SHISA9: variants seen among roughly 807,000 people sequenced by gnomAD.
SHISA9 encodes the protein protein shisa-9.
Under a neutral mutation model 38.0 loss-of-function variants are expected in SHISA9, and 13 were observed. The observed-to-expected ratio is 0.34, with a 90% CI of 0.22 to 0.54. The LOEUF (loss-of-function observed/expected upper bound fraction) is 0.54. Ranked by LOEUF, SHISA9 falls within the 20% of genes least tolerant of loss-of-function variation. The probability of loss-of-function intolerance (pLI) is 0.91; values close to 1 mark genes in which losing one functional copy is unlikely to be tolerated. For missense variants in SHISA9, 538 were observed against 575.8 expected (o/e 0.93, Z 0.67); for synonymous variants, 275 against 242.0 (o/e 1.14, Z -1.27).
intron 2 of SHISA9, among the ~76,000 whole-genome samples, chr16:12,948,896 A>C (rs1378586038): frequency 6.6e-6 from 1 of 152,240 alleles, no homozygotes. Flanking sequence ...CCAATAAACC[A>C]ACATTATGCC....
At chr16:13,036,184 A>G (rs1430751009) in intron 2 of SHISA9, among the ~76,000 whole-genome samples, 6 of 152,242 alleles carry the variant, frequency 3.9e-5, no homozygotes, top group Non-Finnish European at 2.9e-5. Flanking sequence ...AAAGTCTTGT[A>G]TACTAATGTT....
the SHISA9 span, among the ~76,000 whole-genome samples, chr16:13,322,371 TTTCTCATCCTTTCCTCTC>T: frequency 6.6e-5 from 10 of 152,328 alleles, no homozygotes; most frequent in African/African-American, 2.2e-4. Context: ...TGCATAATGG[TTTCTCATCCTTTCCTCTC>T]TTCTCATCCT....
chr16:13,411,154 A>G, the SHISA9 span, among the ~76,000 whole-genome samples: 1 of 152,224 alleles, frequency 6.6e-6, no homozygotes, highest in African/African-American at 2.4e-5. Flanking sequence ...TCCTAACTTG[A>G]TGTGGCTGGT....
chr16:12,993,802 G>C (rs1567175482), intron 2 of SHISA9, among the ~76,000 whole-genome samples: 2 of 152,196 alleles, frequency 1.3e-5, no homozygotes, highest in Non-Finnish European at 2.9e-5. Flanking sequence ...AGAATGTTAA[G>C]TTGAGATCTG....
At chr16:13,406,794 T>C in the SHISA9 span, among the ~76,000 whole-genome samples, 1 of 152,014 alleles carries the variant, frequency 6.6e-6, no homozygotes, top group East Asian at 1.9e-4. Flanking sequence ...ACAGGTCGGG[T>C]GCGGTGGCTC....
At chr16:13,519,864 A>G in the SHISA9 span, among the ~76,000 whole-genome samples, 1 of 152,136 alleles carries the variant, frequency 6.6e-6, no homozygotes, top group Non-Finnish European at 1.5e-5. Flanking sequence ...ATTACCTCCT[A>G]CCGGGTCCCC....
chr16:13,403,788 A>C, the SHISA9 span, among the ~76,000 whole-genome samples: 1 of 152,220 alleles, frequency 6.6e-6, no homozygotes, highest in East Asian at 1.9e-4. Context: ...TGGAGAAATG[A>C]CAAATGCAAT....
Position 13,225,377 on chromosome 16 carries a change from A to T in SHISA9, c.896-9653A>T, listed in dbSNP as rs538238827. Among the ~76,000 whole-genome samples the T allele has an allele frequency of 5.9e-5, 9 of 152,324 alleles. No homozygotes were observed. The South Asian group carries it at 1.9e-3, about 32-fold the overall frequency. Reference sequence around the variant, plus strand: ...CTTTAACAAACGAACACACACTGTGATGTGTTCACAATAGGTATGGAGCAG... The same window carrying T: ...CTTTAACAAACGAACACACACTGTGTTGTGTTCACAATAGGTATGGAGCAG... On this transcript the variant is annotated intron_variant, in intron 4 of 4. Transcript: ENST00000558583.
the SHISA9 span, among the ~76,000 whole-genome samples, chr16:13,287,743 A>C: frequency 1.3e-5 from 2 of 152,204 alleles, no homozygotes; most frequent in African/African-American, 4.8e-5. Flanking sequence ...CTGGAATTGC[A>C]GGGACCACCT....
chr16:13,105,748 C>T (rs2073920060), intron 2 of SHISA9, among the ~76,000 whole-genome samples: 2 of 152,170 alleles, frequency 1.3e-5, no homozygotes, highest in Non-Finnish European at 1.5e-5. Flanking sequence ...CTGCCAGGGG[C>T]TGACAGACTC....
the SHISA9 span, among the ~76,000 whole-genome samples, chr16:13,406,936 C>T: frequency 2.6e-4 from 40 of 151,840 alleles, no homozygotes; most frequent in East Asian, 2.3e-3. Flanking sequence ...GGTGTGGTGG[C>T]GCGTGTCTGT....
the SHISA9 span, among the ~76,000 whole-genome samples, chr16:13,341,414 C>T: frequency 6.6e-6 from 1 of 152,076 alleles, no homozygotes; most frequent in African/African-American, 2.4e-5. Flanking sequence ...CCCAATAAAA[C>T]CTTTCATGCT....
chr16:13,135,159 G>A (rs1456274205), intron 2 of SHISA9, among the ~76,000 whole-genome samples: 1 of 152,154 alleles, frequency 6.6e-6, no homozygotes, highest in Non-Finnish European at 1.5e-5. Flanking sequence ...AACAGCAAAT[G>A]TTTTGAACAA....
At chr16:13,375,759 C>T in the SHISA9 span, among the ~76,000 whole-genome samples, 1 of 152,142 alleles carries the variant, frequency 6.6e-6, no homozygotes, top group Non-Finnish European at 1.5e-5. Flanking sequence ...TCACTGAAAG[C>T]AACTAAAGAA....
chr16:13,416,995 A>G, the SHISA9 span, among the ~76,000 whole-genome samples: 1 of 152,232 alleles, frequency 6.6e-6, no homozygotes, highest in Non-Finnish European at 1.5e-5. Flanking sequence ...AAAATGTTTA[A>G]ATAAAAACTC....
At chr16:13,406,982 C>T in the SHISA9 span, among the ~76,000 whole-genome samples, 7 of 143,952 alleles carry the variant, frequency 4.9e-5, no homozygotes, top group Non-Finnish European at 1.0e-4. Context: ...GCAGAAGAAT[C>T]GCTTGAATCT....
At chr16:13,303,935 C>G in the SHISA9 span, among the ~76,000 whole-genome samples, 2 of 152,090 alleles carry the variant, frequency 1.3e-5, no homozygotes, top group African/African-American at 4.8e-5. Flanking sequence ...GAATCATATC[C>G]CTGGTGTCCC....
the SHISA9 span, among the ~76,000 whole-genome samples, chr16:13,508,858 T>C: frequency 6.6e-6 from 1 of 152,198 alleles, no homozygotes; most frequent in African/African-American, 2.4e-5. Flanking sequence ...CTGGTTCCTA[T>C]TGCTAAATTC....
intron 2 of SHISA9, among the ~76,000 whole-genome samples, chr16:13,194,534 T>C (rs2050918669): frequency 6.6e-6 from 1 of 152,328 alleles, no homozygotes; most frequent in African/African-American, 2.4e-5. Flanking sequence ...AGCTAGTATA[T>C]GGAATAGTGT....
Sources: allele counts gnomAD v4.1 joint callset (sites outside exome capture counted in the v4.1 genomes callset), GRCh38; gene constraint gnomAD v4.1.1; transcripts MANE v1.5; gene names NCBI Gene and HGNC (gene_info 2026-07-23, HGNC 2026-07-21).